Variants in NEXN observed in about 807,000 individuals in gnomAD.
NEXN encodes nexilin.
NEXN carries 65 observed loss-of-function variants against 92.6 expected under a neutral mutation model. The observed-to-expected ratio is 0.70, with a 90% CI of 0.57 to 0.86. The LOEUF (loss-of-function observed/expected upper bound fraction) is 0.86. Among genes scored for constraint, NEXN ranks in the 40% least tolerant of loss-of-function variants. NEXN has a pLI of 0.00. For missense variants in NEXN, 778 were observed against 771.1 expected (o/e 1.01, Z -0.11); for synonymous variants, 254 against 242.5 (o/e 1.05, Z -0.44).
At chr1:77,926,191 T>C (rs375994055) in intron 6 of NEXN, among the ~76,000 whole-genome samples, 5 of 152,278 alleles carry the variant, frequency 3.3e-5, no homozygotes, top group East Asian at 3.9e-4. Context: ...TTCTAGGAAA[T>C]AGAATGCTTC....
chr1:77,900,111 T>C (rs1202537996), intron 1 of NEXN, among the ~76,000 whole-genome samples: 1 of 152,214 alleles, frequency 6.6e-6, no homozygotes, highest in Non-Finnish European at 1.5e-5. Flanking sequence ...TTCTAGTCTG[T>C]GCCCAGCCTG....
intron 2 of NEXN, among the ~76,000 whole-genome samples, chr1:77,916,620 T>C (rs1437449534): frequency 6.6e-6 from 1 of 152,132 alleles, no homozygotes; most frequent in Non-Finnish European, 1.5e-5. Context: ...CTCAGAATTA[T>C]AAAGTTAACC....
intron 2 of NEXN, 94 bp from the exon 3 acceptor site, chr1:77,917,472 A>C: frequency 1.1e-6 from 1 of 926,570 alleles, no homozygotes; most frequent in East Asian, 2.6e-5. Context: ...TGTTTCAATA[A>C]ATATTTTTTA....
chr1:77,941,116 G>A (rs928362649), intron 11 of NEXN, among the ~76,000 whole-genome samples: 1 of 152,118 alleles, frequency 6.6e-6, no homozygotes, highest in Non-Finnish European at 1.5e-5. Flanking sequence ...CAATTAAACT[G>A]CTTGTTTCAA....
chr1:77,938,843 G>T (rs899690398), intron 11 of NEXN, among the ~76,000 whole-genome samples: 14 of 152,082 alleles, frequency 9.2e-5, no homozygotes, highest in African/African-American at 3.4e-4. Flanking sequence ...AATGTATCTG[G>T]GGAATGGAAA....
At chr1:77,939,186 G>A (rs755495850) in intron 11 of NEXN, among the ~76,000 whole-genome samples, 14 of 152,276 alleles carry the variant, frequency 9.2e-5, no homozygotes, top group Non-Finnish European at 1.8e-4. Context: ...AGTTGGTTGC[G>A]GAGGGGTCTA....
intron 1 of NEXN, among the ~76,000 whole-genome samples, chr1:77,890,673 A>C (rs997619148): frequency 1.1e-4 from 16 of 152,244 alleles, no homozygotes; most frequent in Middle Eastern, 3.4e-3. Flanking sequence ...GATTGCTTAG[A>C]ATCTGAGCGG....
chr1:77,894,070 C>T (rs1368721720), intron 1 of NEXN, among the ~76,000 whole-genome samples: 1 of 151,964 alleles, frequency 6.6e-6, no homozygotes, highest in African/African-American at 2.4e-5. Flanking sequence ...GTGATCTGCC[C>T]ACGTTGGCCT....
chr1:77,891,293 TCTTA>T, intron 1 of NEXN, among the ~76,000 whole-genome samples: 1 of 152,300 alleles, frequency 6.6e-6, no homozygotes, highest in Admixed American at 6.5e-5. Context: ...AATCTGACAC[TCTTA>T]CTGTTAGGAT....
intron 8 of NEXN, among the ~76,000 whole-genome samples, chr1:77,928,204 C>T (rs138475233): frequency 9.1e-4 from 138 of 151,190 alleles, no homozygotes; most frequent in African/African-American, 3.2e-3. Flanking sequence ...CCAAGCTCCC[C>T]GGGTGCTGAG....
chr1:77,914,974 G>C (rs956802171), intron 1 of NEXN, among the ~76,000 whole-genome samples: 2 of 152,016 alleles, frequency 1.3e-5, no homozygotes, highest in Admixed American at 6.6e-5. Context: ...TAGATAGAGT[G>C]AAAGTAAATA....
At position 77,942,198 on chromosome 1, in the gene NEXN, C is replaced by T. The variant is rs1374575016; in HGVS notation, c.1649C>T (p.Ala550Val). 1 of 1,613,582 alleles carries T rather than the reference C, an allele frequency of 6.2e-7. No individual in the cohort carries two copies. The highest frequency in any genetic ancestry group is 2.2e-5 in the East Asian group (1 of 44,848). ...MQFEQREIDA[A>V]LQKKREEEEE... is the part of the protein sequence containing the mutation. ...TTTGAACAAAGGGAAATTGATGCAGCACTACAAAAGGTACCAGGCTTATGT... is the reference window on the plus strand; with the variant it reads ...TTTGAACAAAGGGAAATTGATGCAGTACTACAAAAGGTACCAGGCTTATGT... The change falls in exon 12 of 13, where the codon GCA becomes GTA. Residue 550 changes from alanine to valine, a missense_variant. Around this residue, in one of 3 missense-constraint regions of NEXN, gnomAD observed 532 missense variants for 476.7 expected, o/e 1.12. Transcript: ENST00000334785.
intron 11 of NEXN, among the ~76,000 whole-genome samples, chr1:77,936,753 C>T (rs1218174886): frequency 1.3e-5 from 2 of 152,106 alleles, no homozygotes; most frequent in Non-Finnish European, 2.9e-5. Context: ...GCCAGAATTG[C>T]CATCCTATAA....
intron 1 of NEXN, among the ~76,000 whole-genome samples, chr1:77,895,888 C>A (rs1571065977): frequency 6.6e-6 from 1 of 150,886 alleles, no homozygotes; most frequent in Non-Finnish European, 1.5e-5. Flanking sequence ...TAAAAGTTGA[C>A]AGCCTGGTTG....
intron 1 of NEXN, among the ~76,000 whole-genome samples, chr1:77,897,564 A>G (rs1170716163): frequency 5.3e-5 from 8 of 151,520 alleles, no homozygotes; most frequent in Non-Finnish European, 1.0e-4. Context: ...TACTGAATGG[A>G]CAAAAACTGG....
chr1:77,909,688 T>A (rs1186448825), intron 1 of NEXN, among the ~76,000 whole-genome samples: 1 of 152,154 alleles, frequency 6.6e-6, no homozygotes, highest in Non-Finnish European at 1.5e-5. Flanking sequence ...TTACAGGGAA[T>A]CATGTCCCAT....
intron 1 of NEXN, among the ~76,000 whole-genome samples, chr1:77,914,652 T>A (rs1571106443): frequency 6.6e-6 from 1 of 150,574 alleles, no homozygotes; most frequent in Non-Finnish European, 1.5e-5. Flanking sequence ...AGGTCAGGAG[T>A]TCGAGACCAG....
At chr1:77,934,257 A>G (rs1650562430) in intron 10 of NEXN, among the ~76,000 whole-genome samples, 1 of 151,810 alleles carries the variant, frequency 6.6e-6, no homozygotes, top group African/African-American at 2.4e-5. Flanking sequence ...TGATCCGCCC[A>G]CCTCGGCCTC....
In NEXN at chr1:77,926,820, G is replaced by C. The variant is rs1649887552; in HGVS notation, c.792G>C (p.Lys264Asn). ...GACAAAGACAAGAAAACCGAAAGAAGCAAGCTGAAGAGGAAGCAAGAAAAC... is the reference window on the plus strand; with the variant it reads ...GACAAAGACAAGAAAACCGAAAGAACCAAGCTGAAGAGGAAGCAAGAAAAC... The part of the protein sequence containing the change: ...LERQRQENRK[K>N]QAEEEARKRL... Residue 264 changes from lysine to asparagine, a missense_variant, in exon 8 of 13, where the codon AAG (lysine) becomes AAC (asparagine). Around this residue, in one of 3 missense-constraint regions of NEXN, gnomAD observed 532 missense variants for 476.7 expected, o/e 1.12. Coordinates refer to ENST00000334785, the MANE Select transcript of NEXN (RefSeq NM_144573.4). 6.2e-7 allele frequency: 1 copy of C among 1,613,892 alleles called. No individual in the cohort carries two copies. The highest frequency in any genetic ancestry group is 1.7e-5 in the Admixed American group (1 of 59,986).
Sources: gnomAD v4.1 joint callset for allele counts (sites outside exome capture counted in the v4.1 genomes callset) on GRCh38, gnomAD v4.1.1 for gene constraint, gnomAD v4.1.1 regional missense constraint, MANE v1.5 for transcripts, NCBI Gene and HGNC (gene_info 2026-07-23, HGNC 2026-07-21) for gene names.